Variants in GPBP1L1 observed in about 807,000 individuals in gnomAD.
GPBP1L1 encodes vasculin-like protein 1.
A neutral mutation model predicts 52.5 loss-of-function variants in GPBP1L1; 23 were observed. That is an observed-to-expected ratio of 0.44 (90% CI 0.32 to 0.62). The LOEUF (loss-of-function observed/expected upper bound fraction) is 0.62. GPBP1L1 is among the 20% of genes least tolerant of loss of function. The probability of loss-of-function intolerance (pLI) is 0.06; values close to 1 mark genes in which losing one functional copy is unlikely to be tolerated. For missense variants in GPBP1L1, 596 were observed against 579.3 expected, an observed-to-expected ratio of 1.03 and a Z score of -0.30; for synonymous variants, 243 against 203.1, an observed-to-expected ratio of 1.20 and a Z score of -1.67.
intron 10 of GPBP1L1, among the ~76,000 whole-genome samples, chr1:45,632,943 A>G (rs1644548939): frequency 6.6e-6 from 1 of 152,224 alleles, no homozygotes; most frequent in South Asian, 2.1e-4. Flanking sequence ...ATGATATGTC[A>G]TCATGGAAGT....
chr1:45,654,930 A>G (rs1644866254), intron 5 of GPBP1L1, 101 bp from the exon 6 acceptor site: 3 of 1,207,160 alleles, frequency 2.5e-6, no homozygotes, highest in Non-Finnish European at 3.4e-6. Context: ...TAAAAAGTCC[A>G]CACAAAAAAA....
intron 3 of GPBP1L1, 112 bp from the exon 4 acceptor site, chr1:45,659,254 G>T: frequency 1.6e-6 from 1 of 644,278 alleles, no homozygotes; most frequent in Non-Finnish European, 2.6e-6. Context: ...TGCCCTCTGA[G>T]CCTGTCTACA....
intron 6 of GPBP1L1, among the ~76,000 whole-genome samples, chr1:45,647,659 T>C (rs1412388657): frequency 6.6e-6 from 1 of 152,178 alleles, no homozygotes; most frequent in Non-Finnish European, 1.5e-5. Flanking sequence ...TTCTGACATA[T>C]AAGTGAGCTC....
At chr1:45,634,027 A>G in intron 9 of GPBP1L1, 69 bp downstream of exon 9, 1 of 1,444,290 alleles carries the variant, frequency 6.9e-7, no homozygotes. Flanking sequence ...TATACATATT[A>G]CACTTGTTAT....
chr1:45,640,137 A>G, intron 8 of GPBP1L1, 73 bp downstream of exon 8: 1 of 1,254,694 alleles, frequency 8.0e-7, no homozygotes, highest in Non-Finnish European at 1.1e-6. Context: ...GAAAAAACAA[A>G]TTTATTAATT....
At chr1:45,657,929 C>G (rs545499497) in intron 4 of GPBP1L1, among the ~76,000 whole-genome samples, 2 of 152,296 alleles carry the variant, frequency 1.3e-5, no homozygotes, top group East Asian at 3.9e-4. Context: ...ACCAGAAGCA[C>G]CTTCCCAAAA....
intron 8 of GPBP1L1, among the ~76,000 whole-genome samples, chr1:45,637,031 A>T (rs1055338510): frequency 2.6e-5 from 4 of 152,236 alleles, no homozygotes; most frequent in Non-Finnish European, 5.9e-5. Context: ...GCAACATAGT[A>T]AGATGTCAAC....
intron 4 of GPBP1L1, among the ~76,000 whole-genome samples, chr1:45,657,792 G>A (rs971316332): frequency 9.2e-5 from 14 of 152,166 alleles, no homozygotes; most frequent in Admixed American, 2.0e-4. Context: ...GTTCAAGGCT[G>A]TAATGAATTA....
At chr1:45,634,507 C>T in intron 8 of GPBP1L1, 1 of 309,978 alleles carries the variant, frequency 3.2e-6, no homozygotes, top group Non-Finnish European at 5.9e-6. Flanking sequence ...TTGGGAGGTG[C>T]CGGGGTGAAA....
intron 6 of GPBP1L1, among the ~76,000 whole-genome samples, chr1:45,644,252 C>G (rs1310993665): frequency 4.6e-5 from 7 of 152,156 alleles, no homozygotes; most frequent in Non-Finnish European, 1.0e-4. Context: ...GAGTGCCCAG[C>G]CATAAAAGCT....
intron 2 of GPBP1L1, among the ~76,000 whole-genome samples, chr1:45,662,585 A>G (rs1644959317): frequency 6.6e-6 from 1 of 152,216 alleles, no homozygotes; most frequent in Non-Finnish European, 1.5e-5. Context: ...ATAAGTTCAT[A>G]GGAATAAGAA....
At chr1:45,658,990 C>CG (rs2148479556) in intron 4 of GPBP1L1, 38 bp downstream of exon 4, 2 of 1,385,384 alleles carry the variant, frequency 1.4e-6, no homozygotes, top group East Asian at 2.3e-5. Context: ...CAAACCCTCT[C>CG]ATATTTGAGA....
intron 6 of GPBP1L1, chr1:45,654,184 T>TA: frequency 5.7e-6 from 1 of 176,300 alleles, no homozygotes. Flanking sequence ...TTTTATGTGA[T>TA]AGAGAACAAA....
At position 45,634,142 on chromosome 1, in the gene GPBP1L1, T is replaced by C. The variant is rs1644565471; in HGVS notation, c.839A>G (p.Lys280Arg). Residue 280 changes from lysine to arginine, a missense_variant, in exon 9 of 13, where the codon AAA (lysine) becomes AGA (arginine). Physicochemically the swap from Lys to Arg is conservative, Grantham distance 26. Transcript: ENST00000355105. ...SAFTSPISVTKPVVLASGAAL... is the reference protein window; with the variant it reads ...SAFTSPISVTRPVVLASGAAL... Reference sequence around the variant, plus strand: ...TGCACCACTAGCCAGTACCACTGGTTTGGTAACAGAGATTGGACTGGTAAA... The same window carrying C: ...TGCACCACTAGCCAGTACCACTGGTCTGGTAACAGAGATTGGACTGGTAAA... 1 of 1,613,968 alleles carries C rather than the reference T, an allele frequency of 6.2e-7. No homozygotes were observed. Among genetic ancestry groups the C allele is most frequent in the Non-Finnish European group, 8.5e-7 (1 of 1,179,880 alleles).
chr1:45,633,644 G>C lies in GPBP1L1; in HGVS notation c.889C>G (p.Pro297Ala), dbSNP rs917251596. 17 of 1,613,342 alleles carry C rather than the reference G, an allele frequency of 1.1e-5. No homozygotes were observed. The highest frequency in any genetic ancestry group is 1.7e-5 in the Admixed American group (1 of 59,810). Residue 297 changes from proline (P) to alanine (A), a missense_variant, in exon 10 of 13, where the codon CCC (proline) becomes GCC (alanine). By Grantham distance (27) the Pro-to-Ala change is conservative (BLOSUM62 -1). Coordinates refer to ENST00000355105, the MANE Select transcript of GPBP1L1 (RefSeq NM_021639.5). Reference sequence around the variant, plus strand: ...TCAATTGGAGGGGTGGTGCTGGAGGGACTCTGGGCAAATACCACAAACAGG... The same window carrying C: ...TCAATTGGAGGGGTGGTGCTGGAGGCACTCTGGGCAAATACCACAAACAGG... The part of the protein sequence containing the change: ...GAALSSPKES[P>A]SSTTPPIEIS...
At chr1:45,628,492 T>G in intron 12 of GPBP1L1, 84 bp from the exon 13 acceptor site, 1 of 1,290,254 alleles carries the variant, frequency 7.8e-7, no homozygotes, top group South Asian at 1.4e-5. Context: ...AGGCCAGGCC[T>G]CAATTCAATT....
intron 2 of GPBP1L1, among the ~76,000 whole-genome samples, chr1:45,683,130 C>G (rs1280246469): frequency 6.8e-6 from 1 of 146,982 alleles, no homozygotes; most frequent in Admixed American, 6.8e-5. Context: ...GTCTTACTTT[C>G]ATGTTTAAAG....
chr1:45,657,538 T>TA (rs1215740419), intron 4 of GPBP1L1, among the ~76,000 whole-genome samples: 1 of 151,710 alleles, frequency 6.6e-6, no homozygotes, highest in Non-Finnish European at 1.5e-5. Flanking sequence ...CCCGTCTCAA[T>TA]AAAAAAACAA....
chr1:45,628,914 G>A (rs554136069), intron 12 of GPBP1L1, among the ~76,000 whole-genome samples: 9 of 152,142 alleles, frequency 5.9e-5, no homozygotes, highest in East Asian at 5.8e-4. Context: ...TGCCTGCCTC[G>A]GCCTCCCAAA....
Sources: gnomAD v4.1 joint callset for allele counts (sites outside exome capture counted in the v4.1 genomes callset) on GRCh38, gnomAD v4.1.1 for gene constraint, MANE v1.5 for transcripts, NCBI Gene and HGNC (gene_info 2026-07-23, HGNC 2026-07-21) for gene names.